The following ICA1 variants were observed in gnomAD, a reference collection of about 807,000 sequenced individuals.
ICA1 encodes 69 kDa islet cell autoantigen.
In ICA1, 40 loss-of-function variants were observed where a neutral mutation model predicts 71.0. The observed-to-expected ratio is 0.56, with a 90% CI of 0.44 to 0.73. The LOEUF is 0.73. ICA1 is among the 30% of genes least tolerant of loss of function. The pLI is 0.00. For missense variants in ICA1, 578 were observed against 576.5 expected (o/e 1.00, Z -0.03); for synonymous variants, 207 against 209.5 (o/e 0.99, Z 0.10).
intron 1 of ICA1, among the ~76,000 whole-genome samples, chr7:8,245,001 G>C (rs1350959268): frequency 6.6e-6 from 1 of 152,194 alleles, no homozygotes; most frequent in Non-Finnish European, 1.5e-5. Flanking sequence ...AGACAGTGTG[G>C]TGATTCCTCA....
intron 4 of ICA1, among the ~76,000 whole-genome samples, chr7:8,221,811 C>T (rs1390303328): frequency 6.6e-6 from 1 of 152,164 alleles, no homozygotes; most frequent in East Asian, 1.9e-4. Context: ...GACTTTTGAT[C>T]TCTGCTTTTT....
In ICA1 at chr7:8,159,182, G is replaced by A. The variant is rs1331681565; in HGVS notation, c.580-530C>T. On this transcript the variant is annotated intron_variant, in intron 6 of 13. Coordinates refer to ENST00000402384, the MANE Select transcript of ICA1 (RefSeq NM_001136020.3). ...CCACTAATGTCCTTTTTCTGTTCCA[G>A]GATCCAATCTAAGATCCCGTCGGAG... Among the ~76,000 whole-genome samples, 3 of 152,092 alleles carry A rather than the reference G, an allele frequency of 2.0e-5. No homozygotes were observed. In the East Asian group the frequency reaches 5.8e-4, roughly 29 times the overall value.
chr7:8,151,819 G>C (rs1158026030), intron 8 of ICA1, among the ~76,000 whole-genome samples: 4 of 152,198 alleles, frequency 2.6e-5, no homozygotes, highest in African/African-American at 9.7e-5. Flanking sequence ...AAGCATTCTG[G>C]TCTCTAGAAT....
At chr7:8,152,119 C>A (rs2128164452) in intron 8 of ICA1, among the ~76,000 whole-genome samples, 1 of 152,254 alleles carries the variant, frequency 6.6e-6, no homozygotes, top group Non-Finnish European at 1.5e-5. Context: ...AGACCAAGGT[C>A]TGCAAAGCTG....
At chr7:8,169,876 TTG>T (rs974428424) in intron 6 of ICA1, among the ~76,000 whole-genome samples, 1 of 145,968 alleles carries the variant, frequency 6.9e-6, no homozygotes. Context: ...TCTTTTATGG[TTG>T]TGTGTGTGTG....
intron 13 of ICA1, among the ~76,000 whole-genome samples, chr7:8,120,887 C>A (rs1025602184): frequency 6.6e-6 from 1 of 152,198 alleles, no homozygotes; most frequent in Non-Finnish European, 1.5e-5. Flanking sequence ...AGAGCCGAAG[C>A]CCGGGGCTGG....
intron 6 of ICA1, among the ~76,000 whole-genome samples, chr7:8,184,292 G>A (rs1375989134): frequency 6.6e-6 from 1 of 152,156 alleles, no homozygotes; most frequent in African/African-American, 2.4e-5. Context: ...CATTATAGAT[G>A]TACATAATGG....
chr7:8,205,022 C>A (rs1166936178), intron 6 of ICA1, among the ~76,000 whole-genome samples: 2 of 139,554 alleles, frequency 1.4e-5, no homozygotes, highest in Admixed American at 7.5e-5. Context: ...TAACCATTGT[C>A]TGGTTTCACA....
At chr7:8,214,383 G>A (rs1181301581) in intron 6 of ICA1, among the ~76,000 whole-genome samples, 1 of 152,176 alleles carries the variant, frequency 6.6e-6, no homozygotes, top group African/African-American at 2.4e-5. Flanking sequence ...TATATCACAC[G>A]TTGTAACTTT....
intron 13 of ICA1, 159 bp from the exon 14 acceptor site, chr7:8,114,203 C>CAACAATA: frequency 1.3e-6 from 1 of 760,868 alleles, no homozygotes. Flanking sequence ...TTCCAACTCC[C>CAACAATA]GTGGCTGGTT....
chr7:8,185,056 A>G (rs933769191), intron 6 of ICA1, among the ~76,000 whole-genome samples: 1 of 152,056 alleles, frequency 6.6e-6, no homozygotes, highest in African/African-American at 2.4e-5. Flanking sequence ...CCTGGGCAAC[A>G]GAGTGAGACT....
chr7:8,120,933 C>T (rs548364314), intron 13 of ICA1, among the ~76,000 whole-genome samples: 1 of 152,344 alleles, frequency 6.6e-6, no homozygotes, highest in Admixed American at 6.5e-5. Flanking sequence ...TGCGGTGGGG[C>T]TGCCCGTGAA....
chr7:8,214,191 C>T (rs537747578), intron 6 of ICA1, among the ~76,000 whole-genome samples: 28 of 152,308 alleles, frequency 1.8e-4, no homozygotes, highest in African/African-American at 6.3e-4. Context: ...AATTACCCTC[C>T]ATCCCATTTC....
intron 4 of ICA1, among the ~76,000 whole-genome samples, chr7:8,225,382 G>A (rs1798309796): frequency 6.6e-6 from 1 of 152,128 alleles, no homozygotes; most frequent in East Asian, 1.9e-4. Context: ...AATTGTGCCA[G>A]CTTTGATCAC....
chr7:8,243,100 A>G (rs1804592030), intron 1 of ICA1, among the ~76,000 whole-genome samples: 1 of 152,240 alleles, frequency 6.6e-6, no homozygotes, highest in South Asian at 2.1e-4. Context: ...AAAGCCTGGC[A>G]GAGACACAAC....
chr7:8,242,958 CGGATT>C (rs1804530315), intron 1 of ICA1, among the ~76,000 whole-genome samples: 1 of 152,064 alleles, frequency 6.6e-6, no homozygotes, highest in Non-Finnish European at 1.5e-5. Context: ...CAGGACCAGA[CGGATT>C]CACAGCCGAA....
chr7:8,130,417 C>T lies in ICA1; in HGVS notation c.1061-2275G>A, dbSNP rs906559303. 2.0e-5 allele frequency among the ~76,000 whole-genome samples: 3 copies of T among 152,198 alleles called. No individual in the cohort carries two copies. The highest frequency in any genetic ancestry group is 7.2e-5 in the African/African-American group (3 of 41,430). On this transcript the variant is annotated intron_variant, in intron 12 of 13. Transcript: ENST00000402384. This position sits in a 1 kb window ranked among gnomAD's most constrained non-coding sequence, Gnocchi z 4.2. ...ATGTGTCCATCAACACCTGTATCTA[C>T]GCATGCTCCCCTCTCCAGCATCACC...
intron 13 of ICA1, among the ~76,000 whole-genome samples, chr7:8,124,361 C>T (rs571688343): frequency 1.3e-5 from 2 of 151,412 alleles, no homozygotes; most frequent in African/African-American, 2.4e-5. Flanking sequence ...CCTCATGATC[C>T]GCCCACCTCG....
At chr7:8,175,691 T>C (rs1780393400) in intron 6 of ICA1, among the ~76,000 whole-genome samples, 1 of 152,218 alleles carries the variant, frequency 6.6e-6, no homozygotes, top group Non-Finnish European at 1.5e-5. Context: ...GGTTTATACA[T>C]GTTCTGATAA....
Sources: gnomAD v4.1 joint callset for allele counts (sites outside exome capture counted in the v4.1 genomes callset) on GRCh38, gnomAD v4.1.1 for gene constraint, Gnocchi (gnomAD v3.1) non-coding constraint, MANE v1.5 for transcripts, NCBI Gene and HGNC (gene_info 2026-07-23, HGNC 2026-07-21) for gene names.